Variants in GBP5 observed in about 807,000 individuals in gnomAD.
The protein encoded by GBP5 is guanylate-binding protein 5.
In GBP5, 48 loss-of-function variants were observed where a neutral mutation model predicts 58.2. That is an observed-to-expected ratio of 0.83 (90% CI 0.65 to 1.05). The LOEUF (loss-of-function observed/expected upper bound fraction) is 1.05. Among genes scored for constraint, GBP5 ranks in the 50% least tolerant of loss-of-function variants. The pLI, the probability that GBP5 is intolerant of heterozygous loss-of-function variation, is 0.00. For missense variants in GBP5, 714 were observed against 686.8 expected, an observed-to-expected ratio of 1.04 and a Z score of -0.44; for synonymous variants, 248 against 251.8, an observed-to-expected ratio of 0.98 and a Z score of 0.14.
chr1:89,263,178 G>A (rs1365984289), intron 9 of GBP5: 1 of 165,216 alleles, frequency 6.1e-6, no homozygotes, highest in East Asian at 1.8e-4. Context: ...TGAGACTGAG[G>A]GCAGTAAGGA....
intron 7 of GBP5, among the ~76,000 whole-genome samples, chr1:89,265,456 C>T (rs937367975): frequency 1.1e-4 from 16 of 151,506 alleles, no homozygotes; most frequent in African/African-American, 2.2e-4. Flanking sequence ...CTAGTATGAG[C>T]GCTACCCTCC....
Position 89,262,742 on chromosome 1 carries a change from A to G in GBP5, c.1406T>C (p.Val469Ala). The change falls in exon 10 of 12, where the codon GTG becomes GCG. Residue 469 changes from valine (V) to alanine (A), a missense_variant. By Grantham distance (64) the Val-to-Ala change is moderately conservative. Transcript: ENST00000370459. ...LQKYLKSKESVSHAILQTDQA... is the reference protein window; with the variant it reads ...LQKYLKSKESASHAILQTDQA... ...GTCAGTCTGTAATATTGCATGACTCACAGACTCCTTGGACTTTAAATATTT... is the reference window on the plus strand; with the variant it reads ...GTCAGTCTGTAATATTGCATGACTCGCAGACTCCTTGGACTTTAAATATTT... The G allele has an allele frequency of 6.3e-7, 1 of 1,592,112 alleles. No homozygotes were observed. The highest frequency in any genetic ancestry group is 1.1e-5 in the South Asian group (1 of 87,576).
At chr1:89,267,181 G>A (rs771229048) in intron 5 of GBP5, 28 bp from the exon 6 acceptor site, 4 of 1,545,262 alleles carry the variant, frequency 2.6e-6, no homozygotes, top group South Asian at 2.4e-5. Context: ...AAAACTGGCA[G>A]AAATAGGACC....
chr1:89,262,577 T>C (rs986905542), intron 10 of GBP5, 106 bp downstream of exon 10: 2 of 905,220 alleles, frequency 2.2e-6, no homozygotes, highest in African/African-American at 1.7e-5. Flanking sequence ...CTAAGAAGCA[T>C]CTTTGCCATT....
chr1:89,257,931 A>G lies in GBP5; in HGVS notation c.*2773T>C, dbSNP rs991810494. On this transcript the variant is annotated 3_prime_UTR_variant, in exon 12 of 12. Transcript: ENST00000370459. ...ATCTGCAGGCTCTAGGGGAGAATCT[A>G]TTGCTTTGCTTTTCATTACATTTAA... Among the ~76,000 whole-genome samples the G allele has an allele frequency of 6.6e-6, 1 of 152,214 alleles. No homozygotes were observed.
intron 4 of GBP5, among the ~76,000 whole-genome samples, chr1:89,267,902 G>A (rs1650290695): frequency 6.6e-6 from 1 of 152,180 alleles, no homozygotes; most frequent in Admixed American, 6.5e-5. Flanking sequence ...AAATAGTGCT[G>A]TGAGATGGGT....
At chr1:89,266,666 TC>T in intron 6 of GBP5, 78 bp from the exon 7 acceptor site, 1 of 1,291,284 alleles carries the variant, frequency 7.7e-7, no homozygotes, top group Non-Finnish European at 1.1e-6. Flanking sequence ...TAAATGTCCT[TC>T]CACCTGATGT....
Position 89,256,426 on chromosome 1 carries a change from G to A in GBP5, c.*4278C>T, listed in dbSNP as rs147200008. 6.6e-6 allele frequency among the ~76,000 whole-genome samples: 1 copy of A among 152,306 alleles called. No individual in the cohort carries two copies. The highest frequency in any genetic ancestry group is 6.5e-5 in the Admixed American group (1 of 15,298). ...CTATAGAATTTTAGTAATGCTGAAT[G>A]TATGTACCTGGGTTGTTACTTGTGC... On this transcript the variant is annotated 3_prime_UTR_variant, in exon 12 of 12. Coordinates refer to ENST00000370459, the MANE Select transcript of GBP5 (RefSeq NM_052942.5).
chr1:89,264,674 CA>C lies in GBP5; in HGVS notation c.1149+11del, dbSNP rs1273910858. The C allele has an allele frequency of 6.2e-7, 1 of 1,609,356 alleles. No individual in the cohort carries two copies. Among genetic ancestry groups the C allele is most frequent in the Non-Finnish European group, 8.5e-7 (1 of 1,176,286 alleles). ...GACCTTAATCCCCATGAACTAGAAACAAAAATATCACCTCCAATTCTTTCTG... is the reference window on the plus strand; with the variant it reads ...GACCTTAATCCCCATGAACTAGAAACAAAATATCACCTCCAATTCTTTCTG... On this transcript the variant is annotated intron_variant, in intron 8 of 11. Coordinates refer to ENST00000370459, the MANE Select transcript of GBP5 (RefSeq NM_052942.5).
chr1:89,267,422 T>A lies in GBP5; in HGVS notation c.423A>T (p.Leu141=). The A allele has an allele frequency of 6.2e-7, 1 of 1,607,122 alleles. No individual in the cohort carries two copies. Among genetic ancestry groups the A allele is most frequent in the Non-Finnish European group, 8.5e-7 (1 of 1,173,632 alleles). Residue 141 remains leucine (L), a synonymous_variant, in exon 5 of 12, where the codon CTA becomes CTT. Transcript: ENST00000370459. Reference sequence around the variant, plus strand: ...CCCATACCACAAAAGGATACTGCAGTAGGTCGATAGCACCCTGATCAATTT... The same window carrying A: ...CCCATACCACAAAAGGATACTGCAGAAGGTCGATAGCACCCTGATCAATTT... ...VNKIDQGAID[L]LHNVTELTDL... is the part of the protein sequence containing the mutation.
At position 89,264,789 on chromosome 1, in the gene GBP5, T is replaced by C; in HGVS notation, c.1046A>G (p.Gln349Arg). ...QKVQLPMETL[Q>R]ELLDLHRTSE... ...GGTCCTGTGCAGGTCCAGCAGCTCC[T>C]GGAGGGTTTCCATGGGCAGCTGCAC... The change falls in exon 8 of 12, where the codon CAG (glutamine) becomes CGG (arginine). Residue 349 changes from glutamine (Q) to arginine (R), a missense_variant. Transcript: ENST00000370459. 4 of 1,614,206 alleles carry C rather than the reference T, an allele frequency of 2.5e-6. No individual in the cohort carries two copies. The highest frequency in any genetic ancestry group is 3.4e-6 in the Non-Finnish European group (4 of 1,180,028).
Position 89,259,959 on chromosome 1 carries a change from T to C in GBP5, c.*745A>G, listed in dbSNP as rs1649940668. The C allele has an allele frequency of 6.6e-6, 1 of 152,308 alleles. No individual in the cohort carries two copies. Among genetic ancestry groups the C allele is most frequent in the South Asian group, 2.1e-4 (1 of 4,832 alleles). The allele number at this position is 152,308 out of a possible 1,614,324, so 9.4% of individuals were successfully genotyped here. A position where few individuals can be genotyped will look rare whatever the true frequency, so the allele number is the denominator to read the frequency against. On this transcript the variant is annotated 3_prime_UTR_variant, in exon 12 of 12. Coordinates refer to ENST00000370459, the MANE Select transcript of GBP5 (RefSeq NM_052942.5). ...AGGTTAATAAATTTGCTTGCCGACT[T>C]TGGGTCTTCTTGTCCTTTCTCTTGG...
Position 89,262,225 on chromosome 1 carries a change from T to A in GBP5, c.1642A>T (p.Met548Leu). 6.2e-7 allele frequency: 1 copy of A among 1,614,144 alleles called. No individual in the cohort carries two copies. Among genetic ancestry groups the A allele is most frequent in the Non-Finnish European group, 8.5e-7 (1 of 1,179,978 alleles). ...ATGAAACAATTGATGAATACCTGCA[T>A]CTGTTGTTCCTGCATTTTCTGTTGC... is the stretch of plus-strand genomic sequence containing the variant. ...AEQQKMQEQQMQEQAAQLSTT... is the reference protein window; with the variant it reads ...AEQQKMQEQQLQEQAAQLSTT... The change falls in exon 11 of 12, where the codon ATG (methionine) becomes TTG (leucine). Residue 548 changes from methionine (M) to leucine (L), a missense_variant. By Grantham distance (15) the Met-to-Leu change is conservative. Coordinates refer to ENST00000370459, the MANE Select transcript of GBP5 (RefSeq NM_052942.5).
At chr1:89,263,546 A>C (rs917047932) in intron 9 of GBP5, 190 bp downstream of exon 9, 20 of 526,698 alleles carry the variant, frequency 3.8e-5, no homozygotes, top group African/African-American at 3.4e-4. Flanking sequence ...ATTAGATATA[A>C]ATTCTGTGCG....
In GBP5 at chr1:89,256,729, AT is replaced by A. The variant is rs1490863938; in HGVS notation, c.*3974del. On this transcript the variant is annotated 3_prime_UTR_variant, in exon 12 of 12. Coordinates refer to ENST00000370459, the MANE Select transcript of GBP5 (RefSeq NM_052942.5). The stretch of plus-strand genomic sequence containing the variant: ...TTCAAATGCATTTTCATAGTTTTAC[AT>A]TTTATATTTTATCAATTTGGGTGTG... Among the ~76,000 whole-genome samples, 1 of 152,130 alleles carries A rather than the reference AT, an allele frequency of 6.6e-6. No individual in the cohort carries two copies. The highest frequency in any genetic ancestry group is 1.9e-4 in the East Asian group (1 of 5,202).
In GBP5 at chr1:89,269,363, C is replaced by T. The variant is rs1345319424; in HGVS notation, c.190+3G>A. 6.2e-7 allele frequency: 1 copy of T among 1,613,506 alleles called. No homozygotes were observed. The highest frequency in any genetic ancestry group is 8.5e-7 in the Non-Finnish European group (1 of 1,179,672). On this transcript the variant is annotated splice_donor_region_variant and intron_variant, in intron 3 of 11. Coordinates refer to ENST00000370459, the MANE Select transcript of GBP5 (RefSeq NM_052942.5). ...TTGGCAGAGCTTTGCTGGTACCACT[C>T]ACCCTTGTTCTTCCCAGCCAGCTTG...
Position 89,268,619 on chromosome 1 carries a change from G to A in GBP5, c.318+110C>T, listed in dbSNP as rs992126550. 1.2e-4 allele frequency: 118 copies of A among 1,017,340 alleles called. No individual in the cohort carries two copies. In the East Asian group the frequency reaches 2.6e-3, roughly 23 times the overall value. 63.0% of individuals were successfully genotyped at this position (1,017,340 alleles called of 1,614,324 possible). ...TTAAAAATACAAAGGAAAACAATGGGGGTATACATTGGTCAAGTGGAACTA... is the reference window on the plus strand; with the variant it reads ...TTAAAAATACAAAGGAAAACAATGGAGGTATACATTGGTCAAGTGGAACTA... On this transcript the variant is annotated intron_variant, in intron 4 of 11. Transcript: ENST00000370459.
chr1:89,261,114 A>G (rs1023581214), intron 11 of GBP5, among the ~76,000 whole-genome samples: 3 of 152,138 alleles, frequency 2.0e-5, no homozygotes, highest in Non-Finnish European at 4.4e-5. Flanking sequence ...CTTGACTTCA[A>G]TTCTCATACA....
In GBP5 at chr1:89,266,366, C is replaced by A. The variant is rs771123564; in HGVS notation, c.848G>T (p.Gly283Val). ...SHSMTKTLPG[G>V]IMVNGSRLKN... ...CTCACGAGATCCATTGACCATGATG[C>A]CACCTGGAAGAGTCTTGGTCATAGA... is the stretch of plus-strand genomic sequence containing the variant. The change falls in exon 7 of 12, where the codon GGC (glycine) becomes GTC (valine). Residue 283 changes from glycine (G) to valine (V), a missense_variant. Gly to Val is a moderately radical substitution (Grantham distance 109). Coordinates refer to ENST00000370459, the MANE Select transcript of GBP5 (RefSeq NM_052942.5). 2.5e-5 allele frequency: 40 copies of A among 1,613,172 alleles called. No individual in the cohort carries two copies. Among genetic ancestry groups the A allele is most frequent in the Non-Finnish European group, 3.2e-5 (38 of 1,179,286 alleles).
Sources: gnomAD v4.1 joint callset for allele counts (sites outside exome capture counted in the v4.1 genomes callset) on GRCh38, gnomAD v4.1.1 for gene constraint, MANE v1.5 for transcripts, NCBI Gene and HGNC (gene_info 2026-07-23, HGNC 2026-07-21) for gene names.